Variants in GRIN3A observed in about 807,000 individuals in gnomAD.
The protein encoded by GRIN3A is glutamate ionotropic receptor NMDA type subunit 3A.
GRIN3A carries 47 observed loss-of-function variants against 92.4 expected under a neutral mutation model. The ratio of observed to expected loss-of-function variants is 0.51; its 90% CI spans 0.40 to 0.65. GRIN3A has a LOEUF of 0.65. GRIN3A is among the 30% of genes least tolerant of loss of function. The pLI is 0.00. For missense variants in GRIN3A, 1,324 were observed against 1,393.1 expected, an observed-to-expected ratio of 0.95 and a Z score of 0.79; for synonymous variants, 527 against 540.6, an observed-to-expected ratio of 0.97 and a Z score of 0.35.
chr9:101,698,257 C>T (rs1829706756), intron 1 of GRIN3A, among the ~76,000 whole-genome samples: 1 of 152,166 alleles, frequency 6.6e-6, no homozygotes, highest in African/African-American at 2.4e-5. Flanking sequence ...GTTAGCATTA[C>T]TTAGCATCTA....
chr9:101,638,422 T>C (rs1337067444), intron 3 of GRIN3A, among the ~76,000 whole-genome samples: 1 of 152,228 alleles, frequency 6.6e-6, no homozygotes, highest in Non-Finnish European at 1.5e-5. Context: ...TGGAGCAATC[T>C]ATCCTTTTTA....
At chr9:101,683,458 G>A (rs1001851607) in intron 2 of GRIN3A, among the ~76,000 whole-genome samples, 18 of 152,148 alleles carry the variant, frequency 1.2e-4, no homozygotes, top group African/African-American at 4.1e-4. Context: ...CTGAAAGACT[G>A]TATTAAACAA....
chr9:101,720,149 C>A (rs1367969548), intron 1 of GRIN3A, among the ~76,000 whole-genome samples: 2 of 152,152 alleles, frequency 1.3e-5, no homozygotes, highest in Non-Finnish European at 2.9e-5. Flanking sequence ...GAGGATGAAA[C>A]AAGGGTGGGT....
At chr9:101,706,428 C>A (rs555628495) in intron 1 of GRIN3A, among the ~76,000 whole-genome samples, 1 of 152,230 alleles carries the variant, frequency 6.6e-6, no homozygotes, top group South Asian at 2.1e-4. Context: ...TCAATAGTAA[C>A]CTTAAGATGT....
At chr9:101,665,799 T>G (rs1046679727) in intron 3 of GRIN3A, among the ~76,000 whole-genome samples, 1 of 151,956 alleles carries the variant, frequency 6.6e-6, no homozygotes, top group African/African-American at 2.4e-5. Context: ...TGAAAAATAC[T>G]CAAAAAATTA....
chr9:101,692,558 C>T (rs140569931), intron 1 of GRIN3A, among the ~76,000 whole-genome samples: 84 of 152,266 alleles, frequency 5.5e-4, no homozygotes, highest in African/African-American at 1.9e-3. Flanking sequence ...CTTTCCTGGG[C>T]AAGGGGAACC....
chr9:101,648,116 C>A (rs1000212350), intron 3 of GRIN3A, among the ~76,000 whole-genome samples: 2 of 151,934 alleles, frequency 1.3e-5, no homozygotes, highest in East Asian at 3.9e-4. Flanking sequence ...AAACTTTCCT[C>A]TCAGAACTGC....
chr9:101,697,597 T>A (rs1588287898), intron 1 of GRIN3A, among the ~76,000 whole-genome samples: 1 of 152,190 alleles, frequency 6.6e-6, no homozygotes, highest in Non-Finnish European at 1.5e-5. Flanking sequence ...AACTCACTTG[T>A]CAAATCATTG....
At chr9:101,622,044 T>C (rs1828564263) in intron 5 of GRIN3A, among the ~76,000 whole-genome samples, 1 of 152,248 alleles carries the variant, frequency 6.6e-6, no homozygotes, top group African/African-American at 2.4e-5. Flanking sequence ...CTACTGCTAA[T>C]TGCCTCTCTT....
At chr9:101,661,041 G>C (rs1466237572) in intron 3 of GRIN3A, among the ~76,000 whole-genome samples, 1 of 151,852 alleles carries the variant, frequency 6.6e-6, no homozygotes. Context: ...TTAAGTCCTA[G>C]GAGGGGAATA....
At chr9:101,613,795 C>T (rs1033733200) in intron 5 of GRIN3A, among the ~76,000 whole-genome samples, 7 of 152,124 alleles carry the variant, frequency 4.6e-5, no homozygotes, top group African/African-American at 1.7e-4. Context: ...TCTGCCTTTC[C>T]CATTAAGACA....
chr9:101,617,580 T>C (rs1468691584), intron 5 of GRIN3A, among the ~76,000 whole-genome samples: 3 of 152,198 alleles, frequency 2.0e-5, no homozygotes, highest in Non-Finnish European at 2.9e-5. Flanking sequence ...TCTGTTTAAA[T>C]ACATGTATTG....
chr9:101,579,894 T>C (rs1476376936), intron 6 of GRIN3A, among the ~76,000 whole-genome samples: 2 of 152,168 alleles, frequency 1.3e-5, no homozygotes, highest in African/African-American at 2.4e-5. Context: ...AGTTTCCCAA[T>C]GCACCCTTCC....
chr9:101,605,671 G>C (rs1828271537), intron 6 of GRIN3A, among the ~76,000 whole-genome samples: 1 of 152,140 alleles, frequency 6.6e-6, no homozygotes, highest in Non-Finnish European at 1.5e-5. Flanking sequence ...GCAAAAGATG[G>C]GGAAAGTTCA....
At chr9:101,576,970 G>T (rs753258878) in intron 8 of GRIN3A, among the ~76,000 whole-genome samples, 2 of 152,164 alleles carry the variant, frequency 1.3e-5, no homozygotes, top group African/African-American at 2.4e-5. Context: ...AATCAGTAGG[G>T]TTGCCTTAGG....
chr9:101,646,956 T>C (rs1828945980), intron 3 of GRIN3A, among the ~76,000 whole-genome samples: 1 of 151,922 alleles, frequency 6.6e-6, no homozygotes, highest in Non-Finnish European at 1.5e-5. Flanking sequence ...ATAATTTGAC[T>C]TTTTCCTTTC....
At chr9:101,665,019 T>C (rs555886907) in intron 3 of GRIN3A, among the ~76,000 whole-genome samples, 52 of 151,296 alleles carry the variant, frequency 3.4e-4, no homozygotes, top group African/African-American at 1.2e-3. Flanking sequence ...ATAAATATTT[T>C]ATAAGTGGTG....
intron 3 of GRIN3A, 21 bp downstream of exon 3, chr9:101,670,039 T>A: frequency 1.3e-6 from 2 of 1,536,192 alleles, no homozygotes; most frequent in Non-Finnish European, 1.8e-6. Context: ...TCAAGAAAGC[T>A]AAAGTAAAAT....
chr9:101,667,376 A>G (rs2118944597), intron 3 of GRIN3A, among the ~76,000 whole-genome samples: 1 of 152,134 alleles, frequency 6.6e-6, no homozygotes, highest in Admixed American at 6.5e-5. Context: ...TTCTTTAAGA[A>G]TAGGCACAAA....
Sources: gnomAD v4.1 joint callset for allele counts (sites outside exome capture counted in the v4.1 genomes callset) on GRCh38, gnomAD v4.1.1 for gene constraint, MANE v1.5 for transcripts, NCBI Gene and HGNC (gene_info 2026-07-23, HGNC 2026-07-21) for gene names.